The following CDH23 variants were observed in gnomAD, a reference collection of about 807,000 sequenced individuals.
CDH23 encodes the protein cadherin-23.
CDH23 carries 189 observed loss-of-function variants against 317.1 expected under a neutral mutation model. The ratio of observed to expected loss-of-function variants is 0.60; its 90% CI spans 0.53 to 0.67. The LOEUF (loss-of-function observed/expected upper bound fraction) is 0.67. Ranked by LOEUF, CDH23 falls within the 30% of genes least tolerant of loss-of-function variation. The probability of loss-of-function intolerance (pLI) is 0.00; values close to 1 mark genes in which losing one functional copy is unlikely to be tolerated. For synonymous variants in CDH23, 1,839 were observed against 1,876.8 expected, an observed-to-expected ratio of 0.98 and a Z score of 0.52; for missense variants, 4,401 against 4,592.4, an observed-to-expected ratio of 0.96 and a Z score of 1.20.
At chr10:71,813,633 G>A (rs902274670) in intron 69 of CDH23, among the ~76,000 whole-genome samples, 8 of 152,322 alleles carry the variant, frequency 5.3e-5, no homozygotes, top group African/African-American at 1.2e-4. Flanking sequence ...CCGGCTGGGT[G>A]CGGTGGTTCA....
intron 9 of CDH23, among the ~76,000 whole-genome samples, chr10:71,587,297 A>C (rs565725558): frequency 1.7e-4 from 26 of 152,284 alleles, no homozygotes; most frequent in African/African-American, 6.0e-4. Context: ...TGTGTGTAGG[A>C]GTGGAATATT....
intron 3 of CDH23, among the ~76,000 whole-genome samples, chr10:71,481,896 C>A (rs1317250214): frequency 1.3e-5 from 2 of 152,206 alleles, no homozygotes; most frequent in African/African-American, 4.8e-5. Context: ...TGCCAGCCCA[C>A]AGCAGCGGGC....
intron 38 of CDH23, among the ~76,000 whole-genome samples, chr10:71,756,899 C>T (rs533817252): frequency 2.2e-4 from 34 of 152,324 alleles, no homozygotes; most frequent in African/African-American, 6.7e-4. Flanking sequence ...AACAAGCTTT[C>T]AGGAGGTTTG....
chr10:71,609,960 G>A (rs1589259267), intron 9 of CDH23, among the ~76,000 whole-genome samples: 7 of 99,472 alleles, frequency 7.0e-5, no homozygotes, highest in Non-Finnish European at 2.0e-5. Flanking sequence ...CCGTGTGTGT[G>A]TGTGTGTGTG....
chr10:71,793,706 T>TCC lies in CDH23; in HGVS notation c.6712+70_6712+71dup, dbSNP rs1674208333. On this transcript the variant is annotated intron_variant, in intron 48 of 69. Transcript: ENST00000224721. The stretch of plus-strand genomic sequence containing the variant: ...CAGTCCTGTCTCCTCGCTCCCTGCT[T>TCC]CCCCCTTCTTTCTCCTTTCTCTTTC... The TCC allele has an allele frequency of 8.7e-5, 102 of 1,171,966 alleles. No homozygotes were observed. The South Asian group carries it at 1.5e-3, about 17-fold the overall frequency. 72.6% of individuals were successfully genotyped at this position (1,171,966 alleles called of 1,614,324 possible).
intron 5 of CDH23, 27 bp from the exon 6 acceptor site, chr10:71,511,093 G>A (rs371528985): frequency 1.4e-4 from 219 of 1,611,422 alleles, no homozygotes; most frequent in Non-Finnish European, 1.7e-4. Flanking sequence ...AGGTGGCGGC[G>A]CTAATTGCCC....
intron 1 of CDH23, among the ~76,000 whole-genome samples, chr10:71,404,782 C>A (rs1848020303): frequency 1.3e-5 from 2 of 152,240 alleles, no homozygotes; most frequent in African/African-American, 4.8e-5. Context: ...TTTTTTCTAG[C>A]CTGTGTCTTC....
intron 38 of CDH23, chr10:71,760,978 G>T (rs1488666274): frequency 1.3e-6 from 2 of 1,578,450 alleles, no homozygotes; most frequent in South Asian, 2.2e-5. Context: ...AGGAGGCCAG[G>T]GAGGCTTGTC....
chr10:71,715,774 GA>G, intron 28 of CDH23: 1 of 588,036 alleles, frequency 1.7e-6, no homozygotes, highest in Non-Finnish European at 2.8e-6. Flanking sequence ...TCATCTTTGG[GA>G]AAGGGCGCTG....
chr10:71,560,376 C>A (rs1450624667), intron 6 of CDH23, among the ~76,000 whole-genome samples: 1 of 152,084 alleles, frequency 6.6e-6, no homozygotes, highest in Non-Finnish European at 1.5e-5. Context: ...GGCTACAGCT[C>A]CCCACCAAAC....
At chr10:71,682,209 A>G (rs1864681031) in intron 17 of CDH23, among the ~76,000 whole-genome samples, 2 of 152,210 alleles carry the variant, frequency 1.3e-5, no homozygotes, top group Admixed American at 1.3e-4. Flanking sequence ...TTCATCTGTA[A>G]AAGTGGGGCT....
chr10:71,439,698 G>C, intron 1 of CDH23, 129 bp from the exon 2 acceptor site: 1 of 662,690 alleles, frequency 1.5e-6, no homozygotes, highest in Non-Finnish European at 2.7e-6. Context: ...CCCTCCATCT[G>C]GGTTGATTCC....
intron 3 of CDH23, among the ~76,000 whole-genome samples, chr10:71,456,770 C>T (rs1292613858): frequency 6.6e-6 from 1 of 152,200 alleles, no homozygotes; most frequent in Admixed American, 6.5e-5. Context: ...TCGTTGAATT[C>T]TAACAGCAAA....
chr10:71,814,982 G>A lies in CDH23; in HGVS notation c.9769G>A (p.Gly3257Arg). The A allele has an allele frequency of 1.2e-6, 2 of 1,612,450 alleles. No individual in the cohort carries two copies. Among genetic ancestry groups the A allele is most frequent in the Non-Finnish European group, 1.7e-6 (2 of 1,179,614 alleles). ...LIQTELDEEP[G>R]DHSPGQGSLR... is the part of the protein sequence containing the mutation. Reference sequence around the variant, plus strand: ...ACAGACTGAGCTGGACGAGGAGCCAGGAGACCACAGCCCAGGGCAGGGTAG... The same window carrying A: ...ACAGACTGAGCTGGACGAGGAGCCAAGAGACCACAGCCCAGGGCAGGGTAG... The change falls in exon 70 of 70, where the codon GGA becomes AGA. Residue 3257 changes from glycine to arginine, a missense_variant. By Grantham distance (125) the Gly-to-Arg change is moderately radical. Transcript: ENST00000224721.
At chr10:71,717,782 T>C (rs1866347501) in intron 28 of CDH23, 1 of 152,238 alleles carries the variant, frequency 6.6e-6, no homozygotes, top group South Asian at 2.1e-4. Context: ...TCTGGATTTT[T>C]TTAAAGGCAA....
intron 1 of CDH23, among the ~76,000 whole-genome samples, chr10:71,436,050 G>A (rs540507202): frequency 1.3e-5 from 2 of 152,398 alleles, no homozygotes; most frequent in South Asian, 4.1e-4. Context: ...TTCAGGCCCA[G>A]CTGCTTTGCT....
chr10:71,735,921 A>T (rs1351849170), intron 34 of CDH23, among the ~76,000 whole-genome samples: 1 of 152,012 alleles, frequency 6.6e-6, no homozygotes, highest in Non-Finnish European at 1.5e-5. Context: ...GCGTCCTGCC[A>T]CTCCCAGCCA....
intron 36 of CDH23, among the ~76,000 whole-genome samples, chr10:71,740,331 T>C (rs1589389155): frequency 6.6e-6 from 1 of 152,208 alleles, no homozygotes; most frequent in African/African-American, 2.4e-5. Context: ...GCATCAAGGC[T>C]CCCAGGAACA....
intron 1 of CDH23, among the ~76,000 whole-genome samples, chr10:71,401,774 C>T (rs1311508008): frequency 6.6e-6 from 1 of 152,162 alleles, no homozygotes; most frequent in Non-Finnish European, 1.5e-5. Flanking sequence ...GGCATAATGA[C>T]TGGGGCACAG....
Sources: allele counts gnomAD v4.1 joint callset (sites outside exome capture counted in the v4.1 genomes callset), GRCh38; gene constraint gnomAD v4.1.1; transcripts MANE v1.5; gene names NCBI Gene and HGNC (gene_info 2026-07-23, HGNC 2026-07-21).